DEFB107B: variants seen among roughly 807,000 people sequenced by gnomAD.
DEFB107B encodes defensin beta 107B, also known as beta-defensin 107.
rs1380740884 is a variant in DEFB107B at position 7,508,113 on chromosome 8, G to C, written c.71-968G>C. 2.3e-5 allele frequency among the ~76,000 whole-genome samples: 3 copies of C among 129,494 alleles called. 1 individual carries two copies. The highest frequency in any genetic ancestry group is 1.0e-4 in the African/African-American group (3 of 29,926). 85.0% of individuals were successfully genotyped at this position (129,494 alleles called of 152,430 possible). ...TGTGTGTGTGTATGTGTGTGCGTGTGTGTCTCAACTGATTGTCCAGTTGCC... is the reference window on the plus strand; with the variant it reads ...TGTGTGTGTGTATGTGTGTGCGTGTCTGTCTCAACTGATTGTCCAGTTGCC... On this transcript the variant is annotated intron_variant, in intron 1 of 1. Transcript: ENST00000355602.
chr8:7,497,271 T>C (rs1197496636), intron 1 of DEFB107B, among the ~76,000 whole-genome samples: 1 of 152,204 alleles, frequency 6.6e-6, no homozygotes, highest in Non-Finnish European at 1.5e-5. Flanking sequence ...TGTTCGAAAA[T>C]AGGTTGCTTG....
intron 1 of DEFB107B, among the ~76,000 whole-genome samples, chr8:7,497,221 C>A (rs1242178090): frequency 6.6e-6 from 1 of 151,678 alleles, no homozygotes; most frequent in Non-Finnish European, 1.5e-5. Context: ...TGGACATTGA[C>A]CTTAATTTGC....
chr8:7,508,133 G>T (rs1224750395), intron 1 of DEFB107B, among the ~76,000 whole-genome samples: 13 of 134,458 alleles, frequency 9.7e-5, no homozygotes, highest in East Asian at 2.2e-4. Context: ...TGATTGTCCA[G>T]TTGCCTGATA....
In DEFB107B at chr8:7,508,067, G is replaced by GTA. The variant is rs150230033; in HGVS notation, c.71-998_71-997dup. Among the ~76,000 whole-genome samples, 11 of 50,796 alleles carry GTA rather than the reference G, an allele frequency of 2.2e-4. 2 individuals are homozygous for GTA. Among genetic ancestry groups the GTA allele is most frequent in the African/African-American group, 6.9e-4 (10 of 14,482 alleles). 33.3% of individuals were successfully genotyped at this position (50,796 alleles called of 152,430 possible). On this transcript the variant is annotated intron_variant, in intron 1 of 1. Coordinates refer to ENST00000355602, the MANE Select transcript of DEFB107B (RefSeq NM_001040705.2). ...ATTCAGTATTGAACACCCTATACAT[G>GTA]TATATATATATATATATGTGTGTGT...
At chr8:7,496,589 C>A (rs1164945912) in intron 1 of DEFB107B, among the ~76,000 whole-genome samples, 6 of 146,810 alleles carry the variant, frequency 4.1e-5, no homozygotes, top group Admixed American at 1.3e-4. Context: ...CATGAGCCAC[C>A]GCGCCTGGCC....
At chr8:7,496,924 C>G (rs1217857058) in intron 1 of DEFB107B, among the ~76,000 whole-genome samples, 3 of 111,292 alleles carry the variant, frequency 2.7e-5, no homozygotes, top group African/African-American at 1.1e-4. Context: ...CTCTTTGCTT[C>G]ATACAACCAC....
At chr8:7,496,402 C>T (rs1488501076) in intron 1 of DEFB107B, among the ~76,000 whole-genome samples, 2 of 131,788 alleles carry the variant, frequency 1.5e-5, no homozygotes, top group African/African-American at 2.9e-5. Flanking sequence ...CAGGTTCATG[C>T]CATTCTCCTG....
chr8:7,496,434 G>A (rs1232400980), intron 1 of DEFB107B, among the ~76,000 whole-genome samples: 1 of 148,716 alleles, frequency 6.7e-6, no homozygotes, highest in African/African-American at 2.5e-5. Context: ...CGAGTAGCTG[G>A]GACTACACGC....
chr8:7,496,413 C>T (rs1161878125), intron 1 of DEFB107B, among the ~76,000 whole-genome samples: 13 of 142,452 alleles, frequency 9.1e-5, no homozygotes, highest in Middle Eastern at 3.6e-3. Flanking sequence ...CATTCTCCTG[C>T]CTCAGCCTCC....
In DEFB107B at chr8:7,499,330, C is replaced by T. The variant is rs1359538403; in HGVS notation, c.70+3327C>T. Among the ~76,000 whole-genome samples the T allele has an allele frequency of 1.8e-4, 4 of 22,338 alleles. 2 individuals carry two copies. The highest frequency in any genetic ancestry group is 3.1e-4 in the African/African-American group (4 of 12,944). 14.7% of individuals were successfully genotyped at this position (22,338 alleles called of 152,430 possible). ...TGTCTAAGATCATTAATTTGATTTG[C>T]CAATTTTTGATCAATACTAGATTGT... On this transcript the variant is annotated intron_variant, in intron 1 of 1. Coordinates refer to ENST00000355602, the MANE Select transcript of DEFB107B (RefSeq NM_001040705.2).
intron 1 of DEFB107B, among the ~76,000 whole-genome samples, chr8:7,508,527 C>T (rs1450957194): frequency 2.9e-5 from 4 of 140,120 alleles, no homozygotes; most frequent in Non-Finnish European, 6.0e-5. Context: ...ATTTGCTTGC[C>T]AGAGCTAAAT....
At chr8:7,496,905 T>G (rs1409843257) in intron 1 of DEFB107B, among the ~76,000 whole-genome samples, 1 of 108,132 alleles carries the variant, frequency 9.2e-6, no homozygotes, top group African/African-American at 3.8e-5. Flanking sequence ...TCTTTGCGTC[T>G]TTGAGATTCT....
intron 1 of DEFB107B, among the ~76,000 whole-genome samples, chr8:7,496,541 C>A (rs1811749606): frequency 6.6e-6 from 1 of 151,454 alleles, no homozygotes; most frequent in East Asian, 1.9e-4. Flanking sequence ...ACTTCGTGAT[C>A]CGCCCTCCTC....
intron 1 of DEFB107B, 137 bp downstream of exon 1, chr8:7,496,140 CAAA>C: frequency 1.4e-5 from 1 of 71,762 alleles, no homozygotes; most frequent in Non-Finnish European, 2.8e-5. Context: ...AGCTCCGACA[CAAA>C]ACAATGGGAC....
chr8:7,496,569 G>A (rs1188278277), intron 1 of DEFB107B, among the ~76,000 whole-genome samples: 1 of 150,044 alleles, frequency 6.7e-6, no homozygotes, highest in East Asian at 1.9e-4. Context: ...CAGAGCCCTG[G>A]GATTACAGGC....
chr8:7,507,659 C>A (rs1811970144), intron 1 of DEFB107B, among the ~76,000 whole-genome samples: 1 of 127,682 alleles, frequency 7.8e-6, no homozygotes, highest in Non-Finnish European at 1.6e-5. Flanking sequence ...TGAAGGTCAA[C>A]CCTGCCATCC....
intron 1 of DEFB107B, among the ~76,000 whole-genome samples, chr8:7,496,452 A>C (rs1486554036): frequency 6.6e-6 from 1 of 150,880 alleles, no homozygotes; most frequent in Non-Finnish European, 1.5e-5. Flanking sequence ...CGCACCCGCC[A>C]CCACGCCTGG....
chr8:7,496,532 C>T (rs1375807614), intron 1 of DEFB107B, among the ~76,000 whole-genome samples: 1 of 151,740 alleles, frequency 6.6e-6, no homozygotes, highest in Non-Finnish European at 1.5e-5. Flanking sequence ...GATGTCCTGA[C>T]TTCGTGATCC....
At chr8:7,496,268 T>C (rs1811726155) in intron 1 of DEFB107B, among the ~76,000 whole-genome samples, 1 of 127,872 alleles carries the variant, frequency 7.8e-6, no homozygotes, top group Non-Finnish European at 1.6e-5. Flanking sequence ...CTTTGTAATC[T>C]GCAACGCAGG....
Sources: allele counts gnomAD v4.1 joint callset (sites outside exome capture counted in the v4.1 genomes callset), GRCh38; gene constraint gnomAD v4.1.1; transcripts MANE v1.5; gene names NCBI Gene and HGNC (gene_info 2026-07-23, HGNC 2026-07-21).